The following GSG1 variants were observed in gnomAD, a reference collection of about 807,000 sequenced individuals.
The protein encoded by GSG1 is germ cell associated 1, also known as germ cell-specific gene 1 protein.
GSG1 carries 28 observed loss-of-function variants against 30.8 expected under a neutral mutation model. The ratio of observed to expected loss-of-function variants is 0.91; its 90% confidence interval spans 0.67 to 1.25. GSG1 has a LOEUF of 1.25. GSG1 is among the 50% of genes most tolerant of loss of function. GSG1 has a pLI of 0.00. For synonymous variants in GSG1, 162 were observed against 178.0 expected, an observed-to-expected ratio of 0.91 and a Z score of 0.71; for missense variants, 435 against 444.7, an observed-to-expected ratio of 0.98 and a Z score of 0.20.
Position 13,090,952 on chromosome 12 carries a change from C to T in GSG1, c.49-134G>A, listed in dbSNP as rs1866064493. On this transcript the variant is annotated intron_variant, in intron 1 of 6. Coordinates refer to ENST00000651961, the MANE Select transcript of GSG1 (RefSeq NM_001080555.4). ...TCCTCCAAGGCAGATAGGCACAACCCGCCTCTGACATTTTTCTCCAGGGGC... is the reference window on the plus strand; with the variant it reads ...TCCTCCAAGGCAGATAGGCACAACCTGCCTCTGACATTTTTCTCCAGGGGC... 5.5e-6 allele frequency: 4 copies of T among 728,820 alleles called. No individual in the cohort carries two copies. The South Asian group carries it at 5.6e-5, about 10-fold the overall frequency. The allele number at this position is 728,820 out of a possible 1,614,324, so 45.1% of individuals were successfully genotyped here.
chr12:13,099,750 G>GTTTTTTTTTGTTTTT (rs1863024304), intron 1 of GSG1, among the ~76,000 whole-genome samples: 1 of 114,834 alleles, frequency 8.7e-6, no homozygotes. Flanking sequence ...GTTTTTTTTT[G>GTTTTTTTTTGTTTTT]TTTTTTTTTT....
Position 13,101,129 on chromosome 12 carries a change from G to C in GSG1, c.48+2336C>G, listed in dbSNP as rs746247352. 1.3e-5 allele frequency among the ~76,000 whole-genome samples: 2 copies of C among 152,166 alleles called. No homozygotes were observed. Among genetic ancestry groups the C allele is most frequent in the Non-Finnish European group, 2.9e-5 (2 of 68,014 alleles). On this transcript the variant is annotated intron_variant, in intron 1 of 6. Coordinates refer to ENST00000651961, the MANE Select transcript of GSG1 (RefSeq NM_001080555.4). The surrounding 1 kb of genome is among the most constrained non-coding windows in gnomAD (Gnocchi z 5.8). Reference sequence around the variant, plus strand: ...CTGTGGGGCAATCGCTCACGCGCGGGTGACGGCGCCAGCAGGCCGGCTGGG... The same window carrying C: ...CTGTGGGGCAATCGCTCACGCGCGGCTGACGGCGCCAGCAGGCCGGCTGGG...
chr12:13,099,752 T>G lies in GSG1; in HGVS notation c.48+3713A>C, dbSNP rs1018909273. 1.2e-4 allele frequency among the ~76,000 whole-genome samples: 13 copies of G among 105,962 alleles called. No individual in the cohort carries two copies. In the South Asian group the frequency reaches 2.1e-3, roughly 17 times the overall value. The allele number at this position is 105,962 out of a possible 152,430, so 69.5% of individuals were successfully genotyped here. A position where few individuals can be genotyped will look rare whatever the true frequency, so the allele number is the denominator to read the frequency against. ...TAAGGGATCCGGTGTTTTTTTTTGT[T>G]TTTTTTTTTTTTTTTTGTTTTTTCT... On this transcript the variant is annotated intron_variant, in intron 1 of 6. Coordinates refer to ENST00000651961, the MANE Select transcript of GSG1 (RefSeq NM_001080555.4).
At chr12:13,097,216 T>C (rs1866732714) in intron 1 of GSG1, among the ~76,000 whole-genome samples, 1 of 152,250 alleles carries the variant, frequency 6.6e-6, no homozygotes, top group Non-Finnish European at 1.5e-5. Context: ...TCCTTCTGCC[T>C]GGACTGCCTT....
intron 1 of GSG1, among the ~76,000 whole-genome samples, chr12:13,103,203 G>A (rs1241800499): frequency 6.6e-6 from 1 of 152,192 alleles, no homozygotes; most frequent in African/African-American, 2.4e-5. Flanking sequence ...ATGAGACAAG[G>A]GAAGAAGAAA....
chr12:13,097,632 A>G (rs1239973641), intron 1 of GSG1, among the ~76,000 whole-genome samples: 1 of 152,204 alleles, frequency 6.6e-6, no homozygotes, highest in Non-Finnish European at 1.5e-5. Context: ...GTTCAGAACA[A>G]TCTTTGGAAG....
At chr12:13,103,360 T>C in intron 1 of GSG1, 105 bp downstream of exon 1, 2 of 864,130 alleles carry the variant, frequency 2.3e-6, no homozygotes, top group South Asian at 1.4e-5. Context: ...ACTGTGACCA[T>C]GTGAAATACA....
chr12:13,097,778 A>G (rs886296316), intron 1 of GSG1, among the ~76,000 whole-genome samples: 1 of 152,094 alleles, frequency 6.6e-6, no homozygotes, highest in South Asian at 2.1e-4. Context: ...TGTTCAACTC[A>G]TTTTGGGCTT....
intron 1 of GSG1, among the ~76,000 whole-genome samples, chr12:13,094,698 T>C (rs926989730): frequency 6.6e-6 from 1 of 152,238 alleles, no homozygotes; most frequent in Non-Finnish European, 1.5e-5. Context: ...GTGTAAAGAC[T>C]GACCTAAAGA....
In GSG1 at chr12:13,101,934, G is replaced by C. The variant is rs2121004160; in HGVS notation, c.48+1531C>G. Among the ~76,000 whole-genome samples the C allele has an allele frequency of 6.6e-6, 1 of 152,262 alleles. No homozygotes were observed. The highest frequency in any genetic ancestry group is 2.1e-4 in the South Asian group (1 of 4,820). On this transcript the variant is annotated intron_variant, in intron 1 of 6. Transcript: ENST00000651961. The surrounding 1 kb of genome is among the most constrained non-coding windows in gnomAD (Gnocchi z 5.8). ...CCAGAGGGTTAAATTTACCCTCAGG[G>C]GTAAATGAGGGCAAAGAGTTGTCCT...
rs763257935 is a variant in GSG1, at chr12:13,088,898, G to A, written c.445C>T (p.Arg149Ter). Reference sequence around the variant, plus strand: ...GGTGGTGTAAGTTCAATGAAACTTCGGCACCTCTCCCCTGAAACATACAAG... The same window carrying A: ...GGTGGTGTAAGTTCAATGAAACTTCAGCACCTCTCCCCTGAAACATACAAG... ...GTAAAKGERC[R>*]SFIELTPPAK... The change falls in exon 4 of 7, where the codon CGA becomes TGA. Residue 149 changes from arginine (R) to a stop codon, truncating the protein, a stop_gained. Transcript: ENST00000651961. LOFTEE classifies it high-confidence loss of function. The A allele has an allele frequency of 3.7e-6, 6 of 1,614,054 alleles. No individual in the cohort carries two copies. The East Asian group carries it at 6.7e-5, about 18-fold the overall frequency.
rs886557483 is a variant in GSG1 at position 13,085,026 on chromosome 12, G to A, written c.964C>T (p.Pro322Ser). 1.9e-6 allele frequency: 3 copies of A among 1,572,238 alleles called. No homozygotes were observed. Among genetic ancestry groups the A allele is most frequent in the Non-Finnish European group, 2.6e-6 (3 of 1,158,244 alleles). ...LTSYHQYHNQ[P>S]IHSVSEGVDF... ...ACTCCCTCAGAGACAGAGTGGATGG[G>A]CTGATTATGATACTGGTGGTAGCTG... is the stretch of plus-strand genomic sequence containing the variant. The change falls in exon 7 of 7, where the codon CCC becomes TCC. Residue 322 changes from proline to serine, a missense_variant. Coordinates refer to ENST00000651961, the MANE Select transcript of GSG1 (RefSeq NM_001080555.4).
At position 13,090,650 on chromosome 12, in the gene GSG1, C is replaced by T; in HGVS notation, c.217G>A (p.Asp73Asn). ...CEKGLAAKCFDMPVSLDGDTN... is the reference protein window; with the variant it reads ...CEKGLAAKCFNMPVSLDGDTN... ...TCTCCATCCAGGGACACTGGCATGT[C>T]AAAGCACTTGGCTGCCAGACCTTTC... Residue 73 changes from aspartate (D) to asparagine (N), a missense_variant, in exon 2 of 7, where the codon GAC becomes AAC. By Grantham distance (23) the Asp-to-Asn change is conservative. Coordinates refer to ENST00000651961, the MANE Select transcript of GSG1 (RefSeq NM_001080555.4). 3 of 1,614,258 alleles carry T rather than the reference C, an allele frequency of 1.9e-6. No homozygotes were observed. The highest frequency in any genetic ancestry group is 2.5e-6 in the Non-Finnish European group (3 of 1,180,048).
chr12:13,091,939 A>G (rs1866186376), intron 1 of GSG1, among the ~76,000 whole-genome samples: 1 of 152,202 alleles, frequency 6.6e-6, no homozygotes, highest in African/African-American at 2.4e-5. Flanking sequence ...GGCAAAGGGA[A>G]AGTTTTCCCC....
At chr12:13,085,497 A>T (rs116632504) in intron 6 of GSG1, among the ~76,000 whole-genome samples, 185 of 151,966 alleles carry the variant, frequency 1.2e-3, no homozygotes, top group African/African-American at 4.4e-3. Flanking sequence ...TGTCGGTGCC[A>T]TGCCCTTTTC....
rs1488605952 is a variant in GSG1, at chr12:13,085,194, AGGT to A, written c.793_795del (p.Thr265del). On this transcript the variant is annotated inframe_deletion, in exon 7 of 7. Transcript: ENST00000651961. ...AGCACCATCCTGGTGTACGTGTTGA[AGGT>A]GGTGACAGCCGACGCCATGCAGCAG... 7 of 1,613,410 alleles carry A rather than the reference AGGT, an allele frequency of 4.3e-6. No homozygotes were observed. In the South Asian group the frequency reaches 6.6e-5, roughly 15 times the overall value.
intron 1 of GSG1, among the ~76,000 whole-genome samples, chr12:13,094,494 T>A (rs1358316857): frequency 6.6e-6 from 1 of 152,174 alleles, no homozygotes; most frequent in African/African-American, 2.4e-5. Context: ...GAGGAAAGAT[T>A]TTCTGTTGGT....
rs764767084 is a variant in GSG1, at chr12:13,101,630, C to T, written c.48+1835G>A. 9.2e-5 allele frequency among the ~76,000 whole-genome samples: 14 copies of T among 152,208 alleles called. No individual in the cohort carries two copies. The highest frequency in any genetic ancestry group is 7.2e-4 in the Admixed American group (11 of 15,290). ...CGCCTGGCGAGGCTGCGCGGGAGGG[C>T]GGAGAGACTGGGTAGTCGGAGGGAT... On this transcript the variant is annotated intron_variant, in intron 1 of 6. Transcript: ENST00000651961. This position sits in a 1 kb window ranked among gnomAD's most constrained non-coding sequence, Gnocchi z 5.8.
intron 1 of GSG1, 122 bp downstream of exon 1, chr12:13,103,343 G>A: frequency 1.3e-6 from 1 of 790,856 alleles, no homozygotes; most frequent in Non-Finnish European, 2.2e-6. Context: ...GCATTTCCAA[G>A]CTCTTTACTG....
Sources: gnomAD v4.1 joint callset for allele counts (sites outside exome capture counted in the v4.1 genomes callset) on GRCh38, gnomAD v4.1.1 for gene constraint, Gnocchi (gnomAD v3.1) non-coding constraint, MANE v1.5 for transcripts, NCBI Gene and HGNC (gene_info 2026-07-23, HGNC 2026-07-21) for gene names.